The following LRRC37A2 variants were observed in gnomAD, a reference collection of about 807,000 sequenced individuals.
The protein encoded by LRRC37A2 is leucine rich repeat containing 37 member A2, also known as leucine-rich repeat-containing protein 37A2.
A neutral mutation model predicts 68.8 loss-of-function variants in LRRC37A2; 9 were observed. The observed-to-expected ratio is 0.13, with a 90% CI of 0.08 to 0.23. The LOEUF (loss-of-function observed/expected upper bound fraction) is 0.23. Among genes scored for constraint, LRRC37A2 ranks in the 10% least tolerant of loss-of-function variants. The probability of loss-of-function intolerance (pLI) is 1.00; values close to 1 mark genes in which losing one functional copy is unlikely to be tolerated. For missense variants in LRRC37A2, 168 were observed against 950.4 expected (o/e 0.18, Z 10.82); for synonymous variants, 63 against 367.6 (o/e 0.17, Z 9.48).
chr17:46,779,101 A>ACC, the LRRC37A2 span, among the ~76,000 whole-genome samples: 382 of 140,058 alleles, frequency 2.7e-3, 18 homozygotes, highest in East Asian at 0.059. Flanking sequence ...ACACACACAC[A>ACC]CACCCCAGCC....
chr17:47,010,747 G>C, the LRRC37A2 span: 2 of 152,238 alleles, frequency 1.3e-5, no homozygotes, highest in Non-Finnish European at 2.9e-5. Context: ...CTGGAACCCG[G>C]GGTCAGAGAG....
chr17:46,638,786 G>T, the LRRC37A2 span, among the ~76,000 whole-genome samples: 1 of 107,304 alleles, frequency 9.3e-6, no homozygotes, highest in South Asian at 3.7e-4. Context: ...GGGATTACAG[G>T]TGTGAGCCAT....
chr17:46,978,546 C>A, the LRRC37A2 span: 41 of 1,440,334 alleles, frequency 2.8e-5, no homozygotes, highest in Non-Finnish European at 3.5e-5. Flanking sequence ...CGTAGCTGCC[C>A]GCCCGGAGGC....
At chr17:46,542,355 G>A (rs1201653722) in intron 8 of LRRC37A2, among the ~76,000 whole-genome samples, 1 of 149,138 alleles carries the variant, frequency 6.7e-6, no homozygotes, top group Admixed American at 6.6e-5. Context: ...ATTTGCATAT[G>A]TGATGTATCT....
At chr17:46,905,975 G>A in the LRRC37A2 span, among the ~76,000 whole-genome samples, 35 of 152,284 alleles carry the variant, frequency 2.3e-4, no homozygotes, top group African/African-American at 7.0e-4. Context: ...TGGGAGGAAC[G>A]GGCAGGGCCG....
the LRRC37A2 span, among the ~76,000 whole-genome samples, chr17:46,811,412 A>G: frequency 6.6e-6 from 1 of 152,210 alleles, no homozygotes; most frequent in Non-Finnish European, 1.5e-5. Flanking sequence ...TTAGTTTGAC[A>G]TGAGGGTATG....
the LRRC37A2 span, among the ~76,000 whole-genome samples, chr17:46,912,485 C>T: frequency 6.6e-6 from 1 of 152,154 alleles, no homozygotes; most frequent in Non-Finnish European, 1.5e-5. Flanking sequence ...AGACAAAACC[C>T]TCCTTCCCTG....
At chr17:46,799,255 T>G in the LRRC37A2 span, among the ~76,000 whole-genome samples, 4 of 152,186 alleles carry the variant, frequency 2.6e-5, no homozygotes, top group South Asian at 2.1e-4. Flanking sequence ...ATAGGCTTAT[T>G]GGTTGGGACA....
chr17:46,707,025 A>G, the LRRC37A2 span, among the ~76,000 whole-genome samples: 1 of 149,316 alleles, frequency 6.7e-6, no homozygotes, highest in Non-Finnish European at 1.5e-5. Context: ...CGATTTTTGT[A>G]TTTTTAGTAG....
chr17:47,027,662 A>G, the LRRC37A2 span: 1 of 982,346 alleles, frequency 1.0e-6, no homozygotes, highest in Non-Finnish European at 1.6e-6. Flanking sequence ...TACATTTGGA[A>G]TTTTTATAAA....
At chr17:46,862,820 G>A in the LRRC37A2 span, among the ~76,000 whole-genome samples, 1 of 152,212 alleles carries the variant, frequency 6.6e-6, no homozygotes, top group Non-Finnish European at 1.5e-5. Flanking sequence ...CTGATCTCAA[G>A]TGATCCGCCC....
At chr17:46,813,261 A>G in the LRRC37A2 span, among the ~76,000 whole-genome samples, 2 of 151,852 alleles carry the variant, frequency 1.3e-5, no homozygotes, top group African/African-American at 4.8e-5. Flanking sequence ...GGACCCCTCC[A>G]TGTGGTTAAG....
At chr17:46,667,429 G>A in the LRRC37A2 span, among the ~76,000 whole-genome samples, 4 of 148,126 alleles carry the variant, frequency 2.7e-5, no homozygotes, top group Non-Finnish European at 6.0e-5. Flanking sequence ...TATATGAAAT[G>A]GTGGTGATAG....
chr17:46,770,134 G>T, the LRRC37A2 span: 1 of 1,451,358 alleles, frequency 6.9e-7, no homozygotes, highest in Non-Finnish European at 9.1e-7. Context: ...AGGACGTGAG[G>T]GGAACGAGGC....
chr17:46,727,192 A>G, the LRRC37A2 span, among the ~76,000 whole-genome samples: 1 of 152,232 alleles, frequency 6.6e-6, no homozygotes, highest in Non-Finnish European at 1.5e-5. Flanking sequence ...TAATTTTTAA[A>G]ATATGTATTA....
At chr17:46,904,456 GGATGGA>G in the LRRC37A2 span, among the ~76,000 whole-genome samples, 1 of 146,980 alleles carries the variant, frequency 6.8e-6, no homozygotes, top group Non-Finnish European at 1.5e-5. Flanking sequence ...CTGGATGGAT[GGATGGA>G]TGGATGGATG....
At chr17:46,889,394 G>A in the LRRC37A2 span, among the ~76,000 whole-genome samples, 1 of 152,176 alleles carries the variant, frequency 6.6e-6, no homozygotes, top group Non-Finnish European at 1.5e-5. Flanking sequence ...CCACAGGGAA[G>A]CAGAGCTGGA....
chr17:46,972,660 G>A, the LRRC37A2 span, among the ~76,000 whole-genome samples: 1 of 152,190 alleles, frequency 6.6e-6, no homozygotes, highest in African/African-American at 2.4e-5. Context: ...CCTGCAAAGT[G>A]AGCCCCAGGA....
chr17:46,865,677 G>A, the LRRC37A2 span, among the ~76,000 whole-genome samples: 127 of 152,218 alleles, frequency 8.3e-4, 1 homozygote, highest in Middle Eastern at 0.037. Flanking sequence ...GTGCGGTGGC[G>A]TGATCATGGC....
Sources: allele counts gnomAD v4.1 joint callset (sites outside exome capture counted in the v4.1 genomes callset), GRCh38; gene constraint gnomAD v4.1.1; transcripts MANE v1.5; gene names NCBI Gene and HGNC (gene_info 2026-07-23, HGNC 2026-07-21).